Variants in EEIG1 observed in about 807,000 individuals in gnomAD.
The protein encoded by EEIG1 is estrogen-induced osteoclastogenesis regulator 1.
the EEIG1 span, among the ~76,000 whole-genome samples, chr9:127,977,769 G>A: frequency 6.6e-6 from 1 of 152,206 alleles, no homozygotes; most frequent in Non-Finnish European, 1.5e-5. Flanking sequence ...AATCAACTCA[G>A]GCAAATCATT....
At chr9:127,948,216 C>A in the EEIG1 span, 9 of 1,613,734 alleles carry the variant, frequency 5.6e-6, no homozygotes, top group Admixed American at 1.3e-4. Flanking sequence ...ACTTGGCAGT[C>A]GATGGTGGCC....
the EEIG1 span, among the ~76,000 whole-genome samples, chr9:127,963,201 A>C: frequency 6.6e-6 from 1 of 152,214 alleles, no homozygotes; most frequent in Non-Finnish European, 1.5e-5. Flanking sequence ...GAAAATGAGA[A>C]AAGGGTATGG....
At chr9:127,975,838 T>C in the EEIG1 span, among the ~76,000 whole-genome samples, 1 of 152,018 alleles carries the variant, frequency 6.6e-6, no homozygotes, top group Non-Finnish European at 1.5e-5. Context: ...TTGGACAGGA[T>C]GGCAGCTCCC....
the EEIG1 span, chr9:127,943,311 T>C: frequency 6.9e-7 from 1 of 1,455,080 alleles, no homozygotes; most frequent in Non-Finnish European, 9.7e-7. Flanking sequence ...ACCAGGCCTC[T>C]GGAGGTGTTT....
the EEIG1 span, among the ~76,000 whole-genome samples, chr9:127,960,402 A>T: frequency 6.6e-6 from 1 of 152,176 alleles, no homozygotes; most frequent in Non-Finnish European, 1.5e-5. Context: ...ACTGCATCTG[A>T]TTCTGACAGC....
chr9:127,942,708 C>T, the EEIG1 span: 10 of 169,030 alleles, frequency 5.9e-5, no homozygotes, highest in African/African-American at 2.4e-4. Context: ...GTCTGGCCCC[C>T]CCACCACCAG....
the EEIG1 span, among the ~76,000 whole-genome samples, chr9:127,955,212 G>T: frequency 6.6e-6 from 1 of 152,230 alleles, no homozygotes; most frequent in Non-Finnish European, 1.5e-5. Context: ...AGGGCAGAGG[G>T]TCGGAGAGGG....
the EEIG1 span, among the ~76,000 whole-genome samples, chr9:127,949,237 C>T: frequency 7.0e-6 from 1 of 142,350 alleles, no homozygotes; most frequent in African/African-American, 2.6e-5. Context: ...TGGCATGAAC[C>T]TGGGAGGTGG....
chr9:127,944,923 G>A, the EEIG1 span: 1 of 1,605,180 alleles, frequency 6.2e-7, no homozygotes. Flanking sequence ...GGGGGGACAA[G>A]TCACAACGGT....
At chr9:127,951,870 C>T in the EEIG1 span, among the ~76,000 whole-genome samples, 1 of 151,734 alleles carries the variant, frequency 6.6e-6, no homozygotes, top group South Asian at 2.1e-4. Context: ...GGGGAAGAAG[C>T]TTGCCCAGGG....
the EEIG1 span, among the ~76,000 whole-genome samples, chr9:127,973,389 T>C: frequency 1.1e-4 from 16 of 152,266 alleles, no homozygotes; most frequent in African/African-American, 3.4e-4. This position sits in a 1 kb window ranked among gnomAD's most constrained non-coding sequence, Gnocchi z 4.2. Context: ...AGGCACATAA[T>C]GTGGTTGCTG....
At chr9:127,944,869 G>T in the EEIG1 span, 1 of 1,612,370 alleles carries the variant, frequency 6.2e-7, no homozygotes, top group Non-Finnish European at 8.5e-7. Context: ...CACCCAGGTC[G>T]GGTGGCTCTC....
the EEIG1 span, among the ~76,000 whole-genome samples, chr9:127,975,095 G>A: frequency 5.9e-5 from 9 of 152,222 alleles, no homozygotes; most frequent in Admixed American, 2.0e-4. Context: ...CTAGAAGGGC[G>A]GGTGAGGGAC....
the EEIG1 span, among the ~76,000 whole-genome samples, chr9:127,975,918 C>T: frequency 1.2e-4 from 18 of 152,280 alleles, no homozygotes; most frequent in African/African-American, 3.8e-4. Flanking sequence ...CCAGGCCCCC[C>T]TATGTGGATA....
the EEIG1 span, chr9:127,950,596 G>A: frequency 1.2e-5 from 19 of 1,593,156 alleles, no homozygotes; most frequent in East Asian, 1.1e-4. Flanking sequence ...CCTGGCTGGC[G>A]GAAGCCCAGA....
chr9:127,953,810 G>A, the EEIG1 span: 36 of 1,613,862 alleles, frequency 2.2e-5, no homozygotes, highest in Admixed American at 1.5e-4. Context: ...CTCACCTTGC[G>A]CACAGACACA....
At chr9:127,976,189 A>G in the EEIG1 span, among the ~76,000 whole-genome samples, 1 of 152,194 alleles carries the variant, frequency 6.6e-6, no homozygotes, top group African/African-American at 2.4e-5. This position sits in a 1 kb window ranked among gnomAD's most constrained non-coding sequence, Gnocchi z 4.1. Flanking sequence ...CACTGCCATC[A>G]AGGCAAGACA....
At chr9:127,943,010 G>A in the EEIG1 span, 1 of 649,056 alleles carries the variant, frequency 1.5e-6, no homozygotes, top group Non-Finnish European at 2.8e-6. Context: ...GGCCAGGAGG[G>A]TCCCAGCATG....
the EEIG1 span, chr9:127,940,960 T>C: frequency 3.9e-5 from 6 of 152,202 alleles, no homozygotes; most frequent in Non-Finnish European, 7.3e-5. Flanking sequence ...TGACATTGCA[T>C]AGACCAACTC....
Sources: gnomAD v4.1 joint callset for allele counts (sites outside exome capture counted in the v4.1 genomes callset) on GRCh38, gnomAD v4.1.1 for gene constraint, Gnocchi (gnomAD v3.1) non-coding constraint, MANE v1.5 for transcripts, NCBI Gene and HGNC (gene_info 2026-07-23, HGNC 2026-07-21) for gene names.